AFAP1: variants seen among roughly 807,000 people sequenced by gnomAD.
AFAP1 encodes the protein actin filament associated protein 1.
A neutral mutation model predicts 93.9 loss-of-function variants in AFAP1; 75 were observed. The observed-to-expected ratio is 0.80, with a 90% CI of 0.66 to 0.97. The LOEUF (loss-of-function observed/expected upper bound fraction) is 0.97. Ranked by LOEUF, AFAP1 falls within the 50% of genes least tolerant of loss-of-function variation. The pLI is 0.00. For missense variants in AFAP1, 1,201 were observed against 1,050.8 expected (o/e 1.14, Z -1.98); for synonymous variants, 517 against 430.7 (o/e 1.20, Z -2.48).
chr4:7,874,306 A>T (rs911753353), intron 1 of AFAP1, among the ~76,000 whole-genome samples: 3 of 151,434 alleles, frequency 2.0e-5, no homozygotes, highest in Admixed American at 6.6e-5. Flanking sequence ...TGAAAAGGCT[A>T]CTGAAAAACT....
intron 17 of AFAP1, among the ~76,000 whole-genome samples, chr4:7,766,519 C>A (rs888930707): frequency 6.6e-6 from 1 of 152,066 alleles, no homozygotes; most frequent in African/African-American, 2.4e-5. Context: ...CCACTCAACT[C>A]GGAGCAGGGC....
chr4:7,795,837 T>A (rs6446620), intron 10 of AFAP1, among the ~76,000 whole-genome samples: 36,710 of 152,070 alleles, frequency 0.24, 5,504 homozygotes, highest in East Asian at 0.76. Flanking sequence ...ATATTATTAC[T>A]TTAGAGTTTA....
rs115869477 is a variant in AFAP1, at chr4:7,877,745, C to T, written c.-2-5665G>A. Among the ~76,000 whole-genome samples, 901 of 152,252 alleles carry T rather than the reference C, an allele frequency of 5.9e-3. 7 individuals carry two copies. Among genetic ancestry groups the T allele is most frequent in the African/African-American group, 0.019 (788 of 41,542 alleles). On this transcript the variant is annotated intron_variant, in intron 1 of 17. Coordinates refer to ENST00000420658, the MANE Select transcript of AFAP1 (RefSeq NM_001134647.2). Reference sequence around the variant, plus strand: ...CAGAGATAACCCTAGTCTGATGAGACGTTATACCCATTTTGTATTTAAAAA... The same window carrying T: ...CAGAGATAACCCTAGTCTGATGAGATGTTATACCCATTTTGTATTTAAAAA...
At chr4:7,799,070 G>C (rs1169587406) in intron 10 of AFAP1, 7 of 985,888 alleles carry the variant, frequency 7.1e-6, no homozygotes, top group Non-Finnish European at 8.4e-6. Context: ...ATGTTTACAA[G>C]GTACACTGAC....
At position 7,786,182 on chromosome 4, in the gene AFAP1, A is replaced by C; in HGVS notation, c.1530+12T>G. 1 of 1,610,212 alleles carries C rather than the reference A, an allele frequency of 6.2e-7. No individual in the cohort carries two copies. On this transcript the variant is annotated intron_variant, in intron 12 of 17. Coordinates refer to ENST00000420658, the MANE Select transcript of AFAP1 (RefSeq NM_001134647.2). ...ACAAAACCAACCATTACTCCAAAAA[A>C]AGGGCACTCACCGAGCCGTTGATGC...
At chr4:7,910,399 G>A (rs1346560332) in intron 1 of AFAP1, among the ~76,000 whole-genome samples, 1 of 152,016 alleles carries the variant, frequency 6.6e-6, no homozygotes. Flanking sequence ...AGAGATGTTA[G>A]GCAACCTCCA....
intron 1 of AFAP1, among the ~76,000 whole-genome samples, chr4:7,895,683 C>T (rs1416993788): frequency 1.3e-5 from 2 of 152,076 alleles, no homozygotes. Flanking sequence ...GACTCAAGGA[C>T]AGAAACCTAA....
chr4:7,891,689 AT>A (rs1718480564), intron 1 of AFAP1, among the ~76,000 whole-genome samples: 1 of 151,340 alleles, frequency 6.6e-6, no homozygotes, highest in Non-Finnish European at 1.5e-5. Flanking sequence ...AAAGGAAGGA[AT>A]AAAAAACAAA....
In AFAP1 at chr4:7,766,226, G is replaced by C. The variant is rs193027598; in HGVS notation, c.2419-2435C>G. Among the ~76,000 whole-genome samples the C allele has an allele frequency of 7.2e-5, 11 of 152,244 alleles. No homozygotes were observed. In the East Asian group the frequency reaches 1.9e-3, roughly 27 times the overall value. On this transcript the variant is annotated intron_variant, in intron 17 of 17. Coordinates refer to ENST00000420658, the MANE Select transcript of AFAP1 (RefSeq NM_001134647.2). ...GAGGATGGGTAGCTGGGTACGCTTC[G>C]TGCCTTCTTGCCCCTTCAGCCTCCC...
At chr4:7,910,859 C>A (rs2149225814) in intron 1 of AFAP1, among the ~76,000 whole-genome samples, 1 of 152,316 alleles carries the variant, frequency 6.6e-6, no homozygotes, top group East Asian at 1.9e-4. Flanking sequence ...ACACGTATTC[C>A]CACTGCGGTG....
At chr4:7,854,726 TA>T (rs35804263) in intron 4 of AFAP1, among the ~76,000 whole-genome samples, 121,961 of 151,652 alleles carry the variant, frequency 0.8, 49,232 homozygotes, top group East Asian at 0.94. Flanking sequence ...CCTTTCTTTT[TA>T]AAAAAAGCAA....
intron 8 of AFAP1, among the ~76,000 whole-genome samples, chr4:7,810,784 T>C (rs1049337475): frequency 1.3e-5 from 2 of 152,192 alleles, no homozygotes; most frequent in Non-Finnish European, 1.5e-5. Context: ...GCAGTCTCCA[T>C]GCAGACGGGC....
intron 1 of AFAP1, among the ~76,000 whole-genome samples, chr4:7,905,629 T>C (rs1031402670): frequency 6.6e-6 from 1 of 152,214 alleles, no homozygotes; most frequent in Non-Finnish European, 1.5e-5. Context: ...ATTTAATGGC[T>C]CTGTTGGCCT....
chr4:7,833,406 A>C (rs146962970), intron 6 of AFAP1, among the ~76,000 whole-genome samples: 1 of 152,182 alleles, frequency 6.6e-6, no homozygotes, highest in Non-Finnish European at 1.5e-5. Context: ...AAAATGCTCA[A>C]TATCACCAAT....
At chr4:7,826,320 G>A (rs530474352) in intron 6 of AFAP1, among the ~76,000 whole-genome samples, 1 of 147,004 alleles carries the variant, frequency 6.8e-6, no homozygotes, top group Non-Finnish European at 1.5e-5. Flanking sequence ...CCACCCCGCC[G>A]CCCCCAGAGG....
chr4:7,810,853 C>A (rs1349277761), intron 8 of AFAP1, among the ~76,000 whole-genome samples: 1 of 152,098 alleles, frequency 6.6e-6, no homozygotes, highest in Non-Finnish European at 1.5e-5. Context: ...ACGATGGAGG[C>A]CCAGAGTCAG....
Position 7,788,116 on chromosome 4 carries a change from G to A in AFAP1, c.1413-1805C>T, listed in dbSNP as rs1249664446. 6.6e-5 allele frequency among the ~76,000 whole-genome samples: 10 copies of A among 152,358 alleles called. No homozygotes were observed. The East Asian group carries it at 1.5e-3, about 24-fold the overall frequency. On this transcript the variant is annotated intron_variant, in intron 11 of 17. Coordinates refer to ENST00000420658, the MANE Select transcript of AFAP1 (RefSeq NM_001134647.2). ...TGCGGGCACACACAGGGGTCCTCAC[G>A]CAGGGGCAGGTGCCTAGAGCCTCGG...
chr4:7,931,389 G>T (rs973266106), intron 1 of AFAP1, among the ~76,000 whole-genome samples: 2 of 151,928 alleles, frequency 1.3e-5, no homozygotes, highest in South Asian at 2.1e-4. Context: ...AAGTGATATG[G>T]TTTTTTGTTT....
intron 4 of AFAP1, among the ~76,000 whole-genome samples, chr4:7,845,595 A>G (rs1445657910): frequency 6.6e-6 from 1 of 152,004 alleles, no homozygotes; most frequent in Non-Finnish European, 1.5e-5. Flanking sequence ...GTGAGAGGCG[A>G]ACAGAACACC....
Sources: allele counts gnomAD v4.1 joint callset (sites outside exome capture counted in the v4.1 genomes callset), GRCh38; gene constraint gnomAD v4.1.1; transcripts MANE v1.5; gene names NCBI Gene and HGNC (gene_info 2026-07-23, HGNC 2026-07-21).